Variants in VPS50 observed in about 807,000 individuals in gnomAD.
VPS50 encodes the protein syndetin.
Under a neutral mutation model 139.7 loss-of-function variants are expected in VPS50, and 70 were observed. The ratio of observed to expected loss-of-function variants is 0.50; its 90% CI spans 0.41 to 0.61. The LOEUF (loss-of-function observed/expected upper bound fraction) is 0.61. Ranked by LOEUF, VPS50 falls within the 20% of genes least tolerant of loss-of-function variation. The probability of loss-of-function intolerance (pLI) is 0.00; values close to 1 mark genes in which losing one functional copy is unlikely to be tolerated. For synonymous variants in VPS50, 365 were observed against 376.7 expected (o/e 0.97, Z 0.36); for missense variants, 921 against 1,133.7 (o/e 0.81, Z 2.69).
At chr7:93,343,098 G>A (rs1167842797) in intron 23 of VPS50, among the ~76,000 whole-genome samples, 5 of 152,158 alleles carry the variant, frequency 3.3e-5, no homozygotes, top group Admixed American at 1.3e-4. Context: ...AAATTTAGAC[G>A]AATGTATAAG....
Position 93,311,230 on chromosome 7 carries a change from C to CCTAT in VPS50, c.1816_1819dup (p.Leu607TyrfsTer24). The CCTAT allele has an allele frequency of 7.1e-7, 1 of 1,412,184 alleles. No homozygotes were observed. Among genetic ancestry groups the CCTAT allele is most frequent in the Non-Finnish European group, 1.0e-6 (1 of 996,212 alleles). 87.5% of individuals were successfully genotyped at this position (1,412,184 alleles called of 1,614,324 possible). On this transcript the variant is annotated frameshift_variant, in exon 20 of 28. Coordinates refer to ENST00000305866, the MANE Select transcript of VPS50 (RefSeq NM_017667.4). LOFTEE classifies it high-confidence loss of function. The stretch of plus-strand genomic sequence containing the variant: ...TTACAGTCTAAATAAAGTGAATGCA[C>CCTAT]CTATCTTAACAAATACAACATTGAA...
chr7:93,235,405 C>T (rs934979349), intron 1 of VPS50, among the ~76,000 whole-genome samples: 1 of 152,086 alleles, frequency 6.6e-6, no homozygotes, highest in Non-Finnish European at 1.5e-5. Context: ...TTCAGACAGA[C>T]CATTTGGACC....
intron 21 of VPS50, among the ~76,000 whole-genome samples, chr7:93,330,514 G>C (rs1192589936): frequency 6.6e-6 from 1 of 152,114 alleles, no homozygotes; most frequent in African/African-American, 2.4e-5. Context: ...AGCACTTTGG[G>C]AGGCTGAGGT....
At chr7:93,333,847 G>A (rs1417295961) in intron 21 of VPS50, 10 of 368,668 alleles carry the variant, frequency 2.7e-5, no homozygotes, top group Non-Finnish European at 4.4e-5. Flanking sequence ...AATGACTCGC[G>A]AGAAAGAAAT....
At chr7:93,248,225 G>A (rs901807991) in intron 2 of VPS50, among the ~76,000 whole-genome samples, 56 of 151,806 alleles carry the variant, frequency 3.7e-4, no homozygotes, top group Non-Finnish European at 5.9e-4. Flanking sequence ...ATATGTTTAA[G>A]TATGGTGTAA....
At chr7:93,300,209 C>T (rs1255292979) in intron 16 of VPS50, among the ~76,000 whole-genome samples, 2 of 152,040 alleles carry the variant, frequency 1.3e-5, no homozygotes, top group African/African-American at 2.4e-5. Context: ...TATATTTGGG[C>T]TTCAAAACAT....
chr7:93,237,900 C>T (rs574374611), intron 1 of VPS50, among the ~76,000 whole-genome samples: 1 of 152,172 alleles, frequency 6.6e-6, no homozygotes, highest in East Asian at 1.9e-4. Flanking sequence ...TCCTCCTACC[C>T]TCTACCCTCA....
rs144337501 is a variant in VPS50, at chr7:93,260,926, G to A, written c.659+1294G>A. ...AGCCAGGCTGGTCTCTAACTCCACCGCGCCCAGCTTGAAGTTAACACATTT... is the reference window on the plus strand; with the variant it reads ...AGCCAGGCTGGTCTCTAACTCCACCACGCCCAGCTTGAAGTTAACACATTT... On this transcript the variant is annotated intron_variant, in intron 9 of 27. Coordinates refer to ENST00000305866, the MANE Select transcript of VPS50 (RefSeq NM_017667.4). Among the ~76,000 whole-genome samples, 54 of 151,930 alleles carry A rather than the reference G, an allele frequency of 3.6e-4. 1 individual carries two copies. The highest frequency in any genetic ancestry group is 1.3e-3 in the African/African-American group (52 of 41,460).
chr7:93,241,572 T>G (rs960754236), intron 2 of VPS50, among the ~76,000 whole-genome samples: 1 of 152,120 alleles, frequency 6.6e-6, no homozygotes, highest in African/African-American at 2.4e-5. Context: ...TTTTCTGTGT[T>G]CTCCTATAGC....
At chr7:93,353,823 A>G in intron 26 of VPS50, 62 bp downstream of exon 26, 1 of 1,265,774 alleles carries the variant, frequency 7.9e-7, no homozygotes, top group Non-Finnish European at 1.1e-6. Flanking sequence ...TATGAATAAC[A>G]TACGGTATTA....
chr7:93,284,928 A>C (rs1366288076), intron 12 of VPS50, among the ~76,000 whole-genome samples: 1 of 152,174 alleles, frequency 6.6e-6, no homozygotes, highest in Non-Finnish European at 1.5e-5. Context: ...CTAGGCCCTC[A>C]CAGAAGTAAT....
intron 1 of VPS50, among the ~76,000 whole-genome samples, chr7:93,239,624 T>A (rs1416685970): frequency 1.3e-5 from 2 of 152,184 alleles, no homozygotes; most frequent in Non-Finnish European, 2.9e-5. Flanking sequence ...ACTTCTACCA[T>A]TAGTTGTGAA....
intron 23 of VPS50, among the ~76,000 whole-genome samples, chr7:93,345,406 A>G (rs1211265030): frequency 6.6e-6 from 1 of 152,194 alleles, no homozygotes; most frequent in African/African-American, 2.4e-5. Flanking sequence ...AGGTACAAGG[A>G]GGAACTGGTA....
At position 93,358,426 on chromosome 7, in the gene VPS50, C is replaced by G; in HGVS notation, c.2885C>G (p.Pro962Arg). 1 of 1,610,992 alleles carries G rather than the reference C, an allele frequency of 6.2e-7. No homozygotes were observed. The highest frequency in any genetic ancestry group is 8.5e-7 in the Non-Finnish European group (1 of 1,177,698). Residue 962 changes from proline to arginine, a missense_variant, in exon 28 of 28, where the codon CCT (proline) becomes CGT (arginine). Transcript: ENST00000305866. Reference sequence around the variant, plus strand: ...GCAGCTATAGATGATATAGACAGACCTAAAAGATAATGAACACAGCTCTCT... The same window carrying G: ...GCAGCTATAGATGATATAGACAGACGTAAAAGATAATGAACACAGCTCTCT... ...LLAAIDDIDR[P>R]KR
intron 24 of VPS50, among the ~76,000 whole-genome samples, chr7:93,349,674 T>C (rs1484005293): frequency 6.6e-6 from 1 of 152,226 alleles, no homozygotes; most frequent in East Asian, 1.9e-4. Flanking sequence ...TTCAAGTTTA[T>C]TGAATGTCTC....
intron 20 of VPS50, among the ~76,000 whole-genome samples, chr7:93,317,019 A>T (rs549290361): frequency 1.3e-5 from 2 of 152,188 alleles, no homozygotes. Flanking sequence ...AGCAGTGGAT[A>T]TGGATACACT....
intron 26 of VPS50, 50 bp downstream of exon 26, chr7:93,353,811 T>C (rs1340797880): frequency 3.6e-6 from 5 of 1,384,610 alleles, no homozygotes; most frequent in Non-Finnish European, 5.1e-6. Context: ...CAAATTGTAA[T>C]ATATGAATAA....
chr7:93,352,855 G>A (rs137980153), intron 25 of VPS50, among the ~76,000 whole-genome samples: 8 of 152,158 alleles, frequency 5.3e-5, no homozygotes, highest in African/African-American at 1.9e-4. Flanking sequence ...TATTGTTTCC[G>A]TTGTACTAAA....
intron 1 of VPS50, among the ~76,000 whole-genome samples, chr7:93,236,841 A>C (rs555398436): frequency 1.3e-5 from 2 of 152,112 alleles, no homozygotes; most frequent in Middle Eastern, 3.4e-3. Context: ...TTTCTGTCAT[A>C]ATAAAAATAT....
Sources: gnomAD v4.1 joint callset for allele counts (sites outside exome capture counted in the v4.1 genomes callset) on GRCh38, gnomAD v4.1.1 for gene constraint, MANE v1.5 for transcripts, NCBI Gene and HGNC (gene_info 2026-07-23, HGNC 2026-07-21) for gene names.